The following SLCO3A1 variants were observed in gnomAD, a reference collection of about 807,000 sequenced individuals.
SLCO3A1 encodes the protein PGE1 transporter.
Under a neutral mutation model 63.1 loss-of-function variants are expected in SLCO3A1, and 27 were observed. The ratio of observed to expected loss-of-function variants is 0.43; its 90% confidence interval spans 0.32 to 0.59. SLCO3A1 has a LOEUF of 0.59. Among genes scored for constraint, SLCO3A1 ranks in the 20% least tolerant of loss-of-function variants. The pLI, the probability that SLCO3A1 is intolerant of heterozygous loss-of-function variation, is 0.09. For missense variants in SLCO3A1, 773 were observed against 945.8 expected, an observed-to-expected ratio of 0.82 and a Z score of 2.40; for synonymous variants, 473 against 409.9, an observed-to-expected ratio of 1.15 and a Z score of -1.86.
At chr15:92,045,363 A>G (rs1391079086) in intron 2 of SLCO3A1, among the ~76,000 whole-genome samples, 2 of 152,168 alleles carry the variant, frequency 1.3e-5, no homozygotes, top group South Asian at 2.1e-4. Flanking sequence ...TACACAAGAG[A>G]TAAAAATCAC....
intron 6 of SLCO3A1, among the ~76,000 whole-genome samples, chr15:92,127,561 A>T (rs2047940485): frequency 6.6e-6 from 1 of 152,128 alleles, no homozygotes; most frequent in Non-Finnish European, 1.5e-5. Context: ...CGCCATCGTC[A>T]CCTTTATTAT....
chr15:91,970,835 C>T (rs182686393), intron 2 of SLCO3A1, among the ~76,000 whole-genome samples: 136 of 152,150 alleles, frequency 8.9e-4, no homozygotes, highest in African/African-American at 3.2e-3. Context: ...GTACAAGGGG[C>T]GTCTGCCGTC....
chr15:92,030,798 T>C (rs925537192), intron 2 of SLCO3A1, among the ~76,000 whole-genome samples: 1 of 152,130 alleles, frequency 6.6e-6, no homozygotes, highest in African/African-American at 2.4e-5. Flanking sequence ...GCGCTCGCAT[T>C]CTAAGTACAC....
At chr15:92,079,682 C>G (rs35329561) in intron 2 of SLCO3A1, among the ~76,000 whole-genome samples, 1 of 152,190 alleles carries the variant, frequency 6.6e-6, no homozygotes, top group Admixed American at 6.5e-5. Context: ...CAGTCCAGCC[C>G]GTAATAGGGG....
At chr15:91,878,829 A>G (rs938255085) in intron 1 of SLCO3A1, among the ~76,000 whole-genome samples, 1 of 152,220 alleles carries the variant, frequency 6.6e-6, no homozygotes, top group Non-Finnish European at 1.5e-5. Context: ...AAAGAGAGAA[A>G]TGTTGCATTT....
At chr15:92,150,788 AG>A (rs1567148811) in intron 8 of SLCO3A1, among the ~76,000 whole-genome samples, 161 bp from the exon 9 acceptor site, 2 of 151,948 alleles carry the variant, frequency 1.3e-5, no homozygotes, top group East Asian at 3.9e-4. Context: ...GACTTTAGGC[AG>A]AAAAAAAAAA....
chr15:92,006,270 A>G (rs544168699), intron 2 of SLCO3A1, among the ~76,000 whole-genome samples: 80 of 152,328 alleles, frequency 5.3e-4, no homozygotes, highest in African/African-American at 1.9e-3. Flanking sequence ...TCCTGGTTCT[A>G]AGAGCAGATG....
chr15:92,161,092 A>G (rs2048431219), intron 9 of SLCO3A1, among the ~76,000 whole-genome samples: 1 of 152,216 alleles, frequency 6.6e-6, no homozygotes, highest in African/African-American at 2.4e-5. Flanking sequence ...ACAGAGGTAT[A>G]GAGGCCCTGG....
chr15:91,915,709 G>A (rs927125275), intron 1 of SLCO3A1, among the ~76,000 whole-genome samples: 6 of 152,090 alleles, frequency 3.9e-5, no homozygotes, highest in Non-Finnish European at 8.8e-5. Context: ...CAGTGTTTCC[G>A]GAAGAGGGTA....
chr15:91,869,365 G>A (rs1897239833), intron 1 of SLCO3A1, among the ~76,000 whole-genome samples: 1 of 151,944 alleles, frequency 6.6e-6, no homozygotes, highest in Admixed American at 6.6e-5. Context: ...GTGAAACCCT[G>A]TCTGTACTAA....
intron 2 of SLCO3A1, among the ~76,000 whole-genome samples, chr15:92,057,167 G>C (rs2047031626): frequency 6.6e-6 from 1 of 152,140 alleles, no homozygotes; most frequent in South Asian, 2.1e-4. Context: ...ATTCCAAGCC[G>C]AAGGTGCTGG....
chr15:91,925,978 G>A (rs1440481591), intron 2 of SLCO3A1, among the ~76,000 whole-genome samples: 1 of 152,184 alleles, frequency 6.6e-6, no homozygotes, highest in Non-Finnish European at 1.5e-5. Context: ...GAGTTGGTCT[G>A]GATTGCTTCC....
chr15:92,055,508 T>C (rs987960550), intron 2 of SLCO3A1, among the ~76,000 whole-genome samples: 1 of 152,186 alleles, frequency 6.6e-6, no homozygotes. Context: ...TGTAGGTTTT[T>C]TTTCCTCTTA....
At position 92,029,559 on chromosome 15, in the gene SLCO3A1, C is replaced by A. The variant is rs901498837; in HGVS notation, c.647-65322C>A. ...TTTCTCATAAAGAAATACATATTCT[C>A]TGTAGAAAATTTGGAAACACAATAA... On this transcript the variant is annotated intron_variant, in intron 2 of 9. Transcript: ENST00000318445. Among the ~76,000 whole-genome samples, 17 of 152,222 alleles carry A rather than the reference C, an allele frequency of 1.1e-4. No individual in the cohort carries two copies. In the East Asian group the frequency reaches 2.9e-3, roughly 26 times the overall value.
At chr15:92,026,836 C>A (rs944780742) in intron 2 of SLCO3A1, among the ~76,000 whole-genome samples, 12 of 152,200 alleles carry the variant, frequency 7.9e-5, no homozygotes, top group African/African-American at 2.9e-4. Context: ...CACCTGTAAT[C>A]CCAGCATTTT....
chr15:92,033,218 G>A lies in SLCO3A1; in HGVS notation c.647-61663G>A, dbSNP rs2046677872. 6.6e-6 allele frequency among the ~76,000 whole-genome samples: 1 copy of A among 152,200 alleles called. No homozygotes were observed. Among genetic ancestry groups the A allele is most frequent in the South Asian group, 2.1e-4 (1 of 4,834 alleles). ...AAACTGAGGCCATGCCTACGTAAAT[G>A]TATTGATTAGAAAAGAGTCAAGTTG... On this transcript the variant is annotated intron_variant, in intron 2 of 9. Coordinates refer to ENST00000318445, the MANE Select transcript of SLCO3A1 (RefSeq NM_013272.4). The surrounding 1 kb of genome is among the most constrained non-coding windows in gnomAD (Gnocchi z 4.5).
intron 2 of SLCO3A1, among the ~76,000 whole-genome samples, chr15:92,041,174 G>A (rs2046792279): frequency 1.3e-5 from 2 of 152,166 alleles, no homozygotes; most frequent in African/African-American, 4.8e-5. Flanking sequence ...ACAGGAAGTA[G>A]AACTGGCTTT....
intron 2 of SLCO3A1, among the ~76,000 whole-genome samples, chr15:92,029,647 GT>G (rs1005821732): frequency 4.0e-5 from 6 of 149,874 alleles, no homozygotes; most frequent in East Asian, 3.9e-4. Flanking sequence ...ATTTTTGACT[GT>G]TTTTTTTCCC....
At chr15:92,128,746 A>G (rs1300594072) in intron 7 of SLCO3A1, among the ~76,000 whole-genome samples, 1 of 152,198 alleles carries the variant, frequency 6.6e-6, no homozygotes, top group African/African-American at 2.4e-5. Context: ...AACCAAAGGA[A>G]AAGATGGTGG....
Sources: gnomAD v4.1 joint callset for allele counts (sites outside exome capture counted in the v4.1 genomes callset) on GRCh38, gnomAD v4.1.1 for gene constraint, Gnocchi (gnomAD v3.1) non-coding constraint, MANE v1.5 for transcripts, NCBI Gene and HGNC (gene_info 2026-07-23, HGNC 2026-07-21) for gene names.